RAD51B: variants seen among roughly 807,000 people sequenced by gnomAD.
The protein encoded by RAD51B is RAD51 paralog B, also known as DNA repair protein RAD51 homolog 2.
A neutral mutation model predicts 42.2 loss-of-function variants in RAD51B; 38 were observed. The observed-to-expected ratio is 0.90, with a 90% CI of 0.70 to 1.18. The LOEUF (loss-of-function observed/expected upper bound fraction) is 1.18. RAD51B is among the 50% of genes most tolerant of loss of function. The probability of loss-of-function intolerance (pLI) is 0.00; values close to 1 mark genes in which losing one functional copy is unlikely to be tolerated. For synonymous variants in RAD51B, 154 were observed against 145.2 expected (o/e 1.06, Z -0.43); for missense variants, 373 against 400.7 (o/e 0.93, Z 0.59).
chr14:68,175,481 T>A (rs546868815), intron 7 of RAD51B, among the ~76,000 whole-genome samples: 31 of 152,264 alleles, frequency 2.0e-4, no homozygotes, highest in Middle Eastern at 3.4e-3. Context: ...CTGGGGATAG[T>A]CTTTAGGTGG....
chr14:67,916,316 T>G (rs1364562504), intron 7 of RAD51B, among the ~76,000 whole-genome samples: 1 of 152,172 alleles, frequency 6.6e-6, no homozygotes, highest in Non-Finnish European at 1.5e-5. Context: ...TGGTCTCACT[T>G]TGTCGCTCAG....
chr14:67,823,253 A>G (rs1324000785), intron 1 of RAD51B, among the ~76,000 whole-genome samples: 1 of 152,240 alleles, frequency 6.6e-6, no homozygotes, highest in Admixed American at 6.5e-5. Context: ...GTGAAGTGGT[A>G]CTATATTCAT....
chr14:68,560,692 C>T (rs907995491), intron 10 of RAD51B, among the ~76,000 whole-genome samples: 4 of 152,106 alleles, frequency 2.6e-5, no homozygotes, highest in East Asian at 1.9e-4. Context: ...GCCGAGATTG[C>T]GCCACTGCAC....
chr14:68,304,617 T>C (rs1460235706), intron 8 of RAD51B, among the ~76,000 whole-genome samples: 1 of 152,236 alleles, frequency 6.6e-6, no homozygotes, highest in East Asian at 1.9e-4. Flanking sequence ...AAGCAGTGTG[T>C]TTTAACAGAA....
intron 4 of RAD51B, among the ~76,000 whole-genome samples, chr14:67,855,024 A>G (rs1339500646): frequency 1.3e-5 from 2 of 152,194 alleles, no homozygotes; most frequent in Admixed American, 1.3e-4. Flanking sequence ...TCAGTTCAAC[A>G]CAGAGAGATG....
intron 7 of RAD51B, among the ~76,000 whole-genome samples, chr14:68,104,259 A>G (rs528020137): frequency 6.6e-6 from 1 of 152,274 alleles, no homozygotes; most frequent in East Asian, 1.9e-4. Flanking sequence ...AAATTATTAT[A>G]TAATAGATAA....
chr14:68,469,631 G>A (rs1326470117), intron 10 of RAD51B, among the ~76,000 whole-genome samples: 3 of 152,228 alleles, frequency 2.0e-5, no homozygotes, highest in South Asian at 2.1e-4. Flanking sequence ...CTCTACGGGT[G>A]TATAACTAAT....
intron 7 of RAD51B, among the ~76,000 whole-genome samples, chr14:67,900,090 C>A (rs1047495761): frequency 1.3e-5 from 2 of 152,186 alleles, no homozygotes; most frequent in Non-Finnish European, 2.9e-5. Flanking sequence ...GCTTTGATTG[C>A]TGCTTGTAAG....
At chr14:68,663,765 G>A (rs751448826) in intron 11 of RAD51B, among the ~76,000 whole-genome samples, 5 of 152,172 alleles carry the variant, frequency 3.3e-5, no homozygotes, top group Non-Finnish European at 7.3e-5. Context: ...GGAATTTGTG[G>A]TCTAACTAAC....
chr14:68,475,500 C>G (rs1264336055), intron 10 of RAD51B, among the ~76,000 whole-genome samples: 1 of 152,204 alleles, frequency 6.6e-6, no homozygotes, highest in Non-Finnish European at 1.5e-5. Flanking sequence ...AAATCTTGTT[C>G]TGCCCACCCA....
chr14:68,371,674 C>A (rs2083268344), intron 8 of RAD51B, among the ~76,000 whole-genome samples: 1 of 152,106 alleles, frequency 6.6e-6, no homozygotes, highest in Non-Finnish European at 1.5e-5. Context: ...ACAGTGAGAC[C>A]CTGTCTCTAC....
intron 10 of RAD51B, among the ~76,000 whole-genome samples, chr14:68,533,317 G>A (rs866163690): frequency 4.6e-5 from 7 of 152,290 alleles, no homozygotes; most frequent in East Asian, 1.9e-4. Context: ...GGAGGGGAAT[G>A]TATCAAAGTA....
intron 7 of RAD51B, among the ~76,000 whole-genome samples, chr14:67,924,047 G>A (rs2044420701): frequency 6.6e-6 from 1 of 152,112 alleles, no homozygotes; most frequent in Non-Finnish European, 1.5e-5. Context: ...GCTTATTCAT[G>A]TCTTTAGCCC....
At chr14:68,451,481 G>A (rs1377482641) in intron 9 of RAD51B, among the ~76,000 whole-genome samples, 1 of 152,196 alleles carries the variant, frequency 6.6e-6, no homozygotes, top group African/African-American at 2.4e-5. Flanking sequence ...ATTGTATAAA[G>A]TTCTAGCTCT....
chr14:68,382,893 T>C (rs1350568641), intron 8 of RAD51B, among the ~76,000 whole-genome samples: 1 of 152,214 alleles, frequency 6.6e-6, no homozygotes, highest in Admixed American at 6.5e-5. Context: ...AGCATAGTAT[T>C]ACATGGCTTT....
intron 8 of RAD51B, chr14:68,306,703 G>A (rs759108185): frequency 2.6e-5 from 13 of 493,176 alleles, no homozygotes; most frequent in East Asian, 5.5e-5. Flanking sequence ...TGGAAAACTC[G>A]TTGAAAACAC....
intron 7 of RAD51B, among the ~76,000 whole-genome samples, chr14:67,935,152 G>A (rs1033308493): frequency 6.6e-6 from 1 of 152,138 alleles, no homozygotes. Context: ...TAGTGTACTT[G>A]GTATAAGATA....
At chr14:68,491,711 G>C (rs1884089026) in intron 10 of RAD51B, among the ~76,000 whole-genome samples, 3 of 152,200 alleles carry the variant, frequency 2.0e-5, no homozygotes, top group South Asian at 4.1e-4. Flanking sequence ...CAATTCCCCA[G>C]TTTGTAAAAT....
chr14:68,041,364 T>G, intron 7 of RAD51B, among the ~76,000 whole-genome samples: 1 of 152,200 alleles, frequency 6.6e-6, no homozygotes, highest in East Asian at 1.9e-4. Flanking sequence ...TCCTTGTCTC[T>G]CTGTAGTGTT....
Sources: allele counts gnomAD v4.1 joint callset (sites outside exome capture counted in the v4.1 genomes callset), GRCh38; gene constraint gnomAD v4.1.1; transcripts MANE v1.5; gene names NCBI Gene and HGNC (gene_info 2026-07-23, HGNC 2026-07-21).